Variants in LTBP1 observed in about 807,000 individuals in gnomAD.
LTBP1 encodes latent transforming growth factor beta binding protein 1.
LTBP1 carries 129 observed loss-of-function variants against 207.6 expected under a neutral mutation model. That is an observed-to-expected ratio of 0.62 (90% CI 0.54 to 0.72). The LOEUF (loss-of-function observed/expected upper bound fraction) is 0.72. Among genes scored for constraint, LTBP1 ranks in the 30% least tolerant of loss-of-function variants. The pLI is 0.00. For synonymous variants in LTBP1, 963 were observed against 833.7 expected (o/e 1.16, Z -2.67); for missense variants, 2,281 against 2,217.2 (o/e 1.03, Z -0.58).
intron 32 of LTBP1, among the ~76,000 whole-genome samples, chr2:33,391,999 T>G (rs1486357569): frequency 1.3e-5 from 2 of 152,180 alleles, no homozygotes; most frequent in East Asian, 3.9e-4. Context: ...CAAGGGCTTT[T>G]GGAGCCTGCT....
chr2:32,996,254 G>A (rs1685252063), intron 2 of LTBP1, among the ~76,000 whole-genome samples: 1 of 152,114 alleles, frequency 6.6e-6, no homozygotes, highest in Non-Finnish European at 1.5e-5. Context: ...GTGAAGGCCT[G>A]CTTCCTAGAC....
At chr2:33,148,066 A>G (rs905907382) in intron 5 of LTBP1, among the ~76,000 whole-genome samples, 5 of 152,182 alleles carry the variant, frequency 3.3e-5, no homozygotes. Flanking sequence ...GCAAAACATT[A>G]CCAGCTGCCA....
intron 5 of LTBP1, among the ~76,000 whole-genome samples, chr2:33,148,394 G>A (rs866473376): frequency 3.3e-5 from 5 of 152,232 alleles, no homozygotes; most frequent in Middle Eastern, 3.4e-3. Context: ...TGCTGAACTT[G>A]CCTACCTGAA....
intron 3 of LTBP1, among the ~76,000 whole-genome samples, chr2:33,102,844 A>G (rs1285180472): frequency 6.6e-6 from 1 of 151,812 alleles, no homozygotes; most frequent in African/African-American, 2.4e-5. Flanking sequence ...TGCAGTCTGT[A>G]TGCTGTATGC....
intron 2 of LTBP1, among the ~76,000 whole-genome samples, chr2:33,010,567 A>G (rs1197666932): frequency 6.6e-6 from 1 of 152,188 alleles, no homozygotes; most frequent in African/African-American, 2.4e-5. Context: ...GGGGTGATGG[A>G]TGCCCTAAAT....
intron 9 of LTBP1, among the ~76,000 whole-genome samples, chr2:33,233,176 G>C (rs113598200): frequency 4.6e-5 from 7 of 152,078 alleles, no homozygotes; most frequent in Admixed American, 3.9e-4. Flanking sequence ...TTAAACAAAA[G>C]TTGGAGTGTG....
chr2:33,296,248 G>T (rs1396589463), intron 20 of LTBP1, among the ~76,000 whole-genome samples: 2 of 151,818 alleles, frequency 1.3e-5, no homozygotes, highest in Non-Finnish European at 2.9e-5. Flanking sequence ...TCATCTGCTT[G>T]TTGATAAAAA....
chr2:33,291,967 G>A (rs566880709), intron 19 of LTBP1, among the ~76,000 whole-genome samples: 1 of 152,266 alleles, frequency 6.6e-6, no homozygotes, highest in South Asian at 2.1e-4. Flanking sequence ...TGTTTGCCTG[G>A]CTTAGGCTTA....
chr2:33,153,435 C>T (rs1278971765), intron 5 of LTBP1, among the ~76,000 whole-genome samples: 2 of 151,974 alleles, frequency 1.3e-5, no homozygotes, highest in Non-Finnish European at 2.9e-5. Context: ...CAGGTTGGGC[C>T]AATAAGGCTG....
At chr2:33,379,940 T>C (rs977670460) in intron 31 of LTBP1, among the ~76,000 whole-genome samples, 1 of 152,226 alleles carries the variant, frequency 6.6e-6, no homozygotes, top group Non-Finnish European at 1.5e-5. Context: ...CTATGAAGCT[T>C]TAAAAAAATA....
At chr2:32,998,705 A>G (rs113419377) in intron 2 of LTBP1, among the ~76,000 whole-genome samples, 224 of 152,186 alleles carry the variant, frequency 1.5e-3, no homozygotes, top group Non-Finnish European at 2.4e-3. Context: ...TGGAGCCCTC[A>G]TGACTGAAAT....
intron 5 of LTBP1, among the ~76,000 whole-genome samples, chr2:33,173,612 TC>T (rs1288428024): frequency 7.8e-6 from 1 of 127,978 alleles, no homozygotes. Flanking sequence ...CTGAAACTAT[TC>T]CAATCAATGG....
rs35334788 is a variant in LTBP1, at chr2:33,087,084, C to CTTTTTTTTTTTTTTTTTTTT, written c.864-23493_864-23474dup. On this transcript the variant is annotated intron_variant, in intron 3 of 33. Transcript: ENST00000404816. Reference sequence around the variant, plus strand: ...AGCACCAGGCTGTCCCTCCTTTATGCTTTTTTTTTTTTTTTTTTTTTTTTG... The same window carrying CTTTTTTTTTTTTTTTTTTTT: ...AGCACCAGGCTGTCCCTCCTTTATGCTTTTTTTTTTTTTTTTTTTTTTTTTTTTTTTTTTTTTTTTTTTTG... Among the ~76,000 whole-genome samples, 63 of 88,956 alleles carry CTTTTTTTTTTTTTTTTTTTT rather than the reference C, an allele frequency of 7.1e-4. 4 individuals are homozygous for CTTTTTTTTTTTTTTTTTTTT. The highest frequency in any genetic ancestry group is 1.1e-3 in the South Asian group (3 of 2,624). The allele number at this position is 88,956 out of a possible 152,430, so 58.4% of individuals were successfully genotyped here.
At chr2:33,039,113 T>G (rs2076063578) in intron 3 of LTBP1, among the ~76,000 whole-genome samples, 1 of 152,230 alleles carries the variant, frequency 6.6e-6, no homozygotes, top group Admixed American at 6.5e-5. Context: ...GAGTACTGAT[T>G]AGTGTGTTCA....
At chr2:33,188,043 A>T (rs12476719) in intron 6 of LTBP1, among the ~76,000 whole-genome samples, 33,279 of 152,202 alleles carry the variant, frequency 0.22, 4,150 homozygotes, top group East Asian at 0.56. Flanking sequence ...ATTACTGTTA[A>T]AAGTTTTAAT....
At chr2:33,328,978 G>A (rs2094462830) in intron 24 of LTBP1, among the ~76,000 whole-genome samples, 1 of 152,118 alleles carries the variant, frequency 6.6e-6, no homozygotes, top group Admixed American at 6.5e-5. Flanking sequence ...TAAACTTCCT[G>A]TGAATATTCT....
chr2:33,051,428 A>AC lies in LTBP1; in HGVS notation c.863+30222_863+30223insC, dbSNP rs2076735292. On this transcript the variant is annotated intron_variant, in intron 3 of 33. Coordinates refer to ENST00000404816, the MANE Select transcript of LTBP1 (RefSeq NM_206943.4). ...CAAGATCGTGTTTCTAAAATAAGAA[A>AC]AAAAACACACACACACACAAAACTG... 2.0e-5 allele frequency among the ~76,000 whole-genome samples: 3 copies of AC among 152,198 alleles called. No individual in the cohort carries two copies. The South Asian group carries it at 6.2e-4, about 32-fold the overall frequency.
intron 3 of LTBP1, among the ~76,000 whole-genome samples, chr2:33,022,975 T>A (rs2075248102): frequency 6.6e-6 from 1 of 152,190 alleles, no homozygotes; most frequent in Admixed American, 6.5e-5. Context: ...GGCTGTGGGC[T>A]GGATTTGGCC....
At chr2:33,172,446 A>G (rs868455273) in intron 5 of LTBP1, among the ~76,000 whole-genome samples, 1 of 152,232 alleles carries the variant, frequency 6.6e-6, no homozygotes, top group Non-Finnish European at 1.5e-5. Context: ...TTCAAAAAGA[A>G]GAGCTAACTA....
Sources: allele counts gnomAD v4.1 joint callset (sites outside exome capture counted in the v4.1 genomes callset), GRCh38; gene constraint gnomAD v4.1.1; transcripts MANE v1.5; gene names NCBI Gene and HGNC (gene_info 2026-07-23, HGNC 2026-07-21).